NOX4: variants seen among roughly 807,000 people sequenced by gnomAD.
The protein encoded by NOX4 is kidney oxidase-1.
NOX4 carries 69 observed loss-of-function variants against 87.6 expected under a neutral mutation model. The ratio of observed to expected loss-of-function variants is 0.79; its 90% CI spans 0.65 to 0.96. NOX4 has a LOEUF of 0.96. NOX4 is among the 40% of genes least tolerant of loss of function. NOX4 has a pLI of 0.00. For synonymous variants in NOX4, 275 were observed against 238.2 expected (o/e 1.15, Z -1.42); for missense variants, 680 against 681.5 (o/e 1.00, Z 0.02).
At chr11:89,423,886 C>T (rs924193623) in intron 7 of NOX4, among the ~76,000 whole-genome samples, 1 of 151,604 alleles carries the variant, frequency 6.6e-6, no homozygotes, top group Non-Finnish European at 1.5e-5. Context: ...AAACCTTGAC[C>T]TTACGAAAAA....
At chr11:89,398,377 A>T (rs1941629415) in intron 11 of NOX4, among the ~76,000 whole-genome samples, 1 of 151,878 alleles carries the variant, frequency 6.6e-6, no homozygotes, top group Non-Finnish European at 1.5e-5. Context: ...ATGGGCAAAA[A>T]CTGGAAGCAT....
the NOX4 span, among the ~76,000 whole-genome samples, chr11:89,559,834 T>C: frequency 6.6e-6 from 1 of 152,202 alleles, no homozygotes; most frequent in South Asian, 2.1e-4. Context: ...AGAAAAGTAA[T>C]GCAGACAGAG....
chr11:89,427,852 T>G (rs1456517938), intron 7 of NOX4, among the ~76,000 whole-genome samples: 3 of 152,104 alleles, frequency 2.0e-5, no homozygotes, highest in East Asian at 3.9e-4. Flanking sequence ...ATATTCAAAT[T>G]CAGGAAATAC....
At chr11:89,517,396 T>G in the NOX4 span, among the ~76,000 whole-genome samples, 1 of 152,098 alleles carries the variant, frequency 6.6e-6, no homozygotes, top group South Asian at 2.1e-4. Context: ...CAAGCAATCC[T>G]TCCTTTACTT....
chr11:89,515,073 T>C, the NOX4 span, among the ~76,000 whole-genome samples: 1 of 152,052 alleles, frequency 6.6e-6, no homozygotes, highest in Non-Finnish European at 1.5e-5. Flanking sequence ...TTTATGAATA[T>C]GCATGTGCAA....
At chr11:89,581,821 T>A in the NOX4 span, among the ~76,000 whole-genome samples, 1 of 152,174 alleles carries the variant, frequency 6.6e-6, no homozygotes, top group Non-Finnish European at 1.5e-5. Context: ...CATAAACTTA[T>A]CTATCATCTC....
At chr11:89,535,343 C>A in the NOX4 span, among the ~76,000 whole-genome samples, 32 of 152,186 alleles carry the variant, frequency 2.1e-4, no homozygotes, top group African/African-American at 7.5e-4. Flanking sequence ...CTTTAACTGA[C>A]TTTCACTCTA....
In NOX4 at chr11:89,405,752, GA is replaced by G. The variant is rs1323315711; in HGVS notation, c.630-3211del. ...GAAAGGCCACCTACTGGTTAAAAAAGAAAAAAAAAAAAAAACTTGCATGGTA... is the reference window on the plus strand; with the variant it reads ...GAAAGGCCACCTACTGGTTAAAAAAGAAAAAAAAAAAAAACTTGCATGGTA... On this transcript the variant is annotated intron_variant, in intron 8 of 17. Transcript: ENST00000263317. 6.0e-3 allele frequency among the ~76,000 whole-genome samples: 412 copies of G among 68,322 alleles called. 3 individuals carry two copies. The highest frequency in any genetic ancestry group is 7.8e-3 in the Non-Finnish European group (224 of 28,704). 44.8% of individuals were successfully genotyped at this position (68,322 alleles called of 152,430 possible). A position where few individuals can be genotyped will look rare whatever the true frequency, so the allele number is the denominator to read the frequency against.
At chr11:89,427,887 C>A (rs142554504) in intron 7 of NOX4, among the ~76,000 whole-genome samples, 6 of 151,992 alleles carry the variant, frequency 3.9e-5, no homozygotes, top group African/African-American at 1.5e-4. Flanking sequence ...AGATACTCCT[C>A]GAGAAGACCA....
intron 12 of NOX4, among the ~76,000 whole-genome samples, chr11:89,359,219 A>G (rs1284285928): frequency 6.6e-6 from 1 of 152,108 alleles, no homozygotes; most frequent in African/African-American, 2.4e-5. Context: ...AGAAAATTAA[A>G]ATCCTCTTTC....
At chr11:89,519,087 A>G in the NOX4 span, among the ~76,000 whole-genome samples, 1 of 152,054 alleles carries the variant, frequency 6.6e-6, no homozygotes, top group African/African-American at 2.4e-5. Flanking sequence ...AATAAACACC[A>G]CCTGTAAAGT....
rs780667723 is a variant in NOX4 at position 89,440,676 on chromosome 11, A to G, written c.475+12T>C. ...CCTAAACCTAAAGAAAAGGCTAAGA[A>G]TAACAACTTACCAGTTGTGAAGAGA... On this transcript the variant is annotated intron_variant, in intron 6 of 17. Transcript: ENST00000263317. 1.3e-6 allele frequency: 2 copies of G among 1,544,104 alleles called. No individual in the cohort carries two copies. The highest frequency in any genetic ancestry group is 1.8e-6 in the Non-Finnish European group (2 of 1,132,514).
intron 8 of NOX4, among the ~76,000 whole-genome samples, chr11:89,405,624 CAA>C (rs201859016): frequency 7.4e-6 from 1 of 135,828 alleles, no homozygotes; most frequent in Non-Finnish European, 1.6e-5. Flanking sequence ...AATCATTCAT[CAA>C]AAAAAAAAAA....
At chr11:89,560,065 T>G in the NOX4 span, among the ~76,000 whole-genome samples, 3 of 152,150 alleles carry the variant, frequency 2.0e-5, no homozygotes, top group East Asian at 5.8e-4. Flanking sequence ...CAGTTAGGGA[T>G]TGCTCAAATC....
chr11:89,360,062 AC>A (rs1457951412), intron 12 of NOX4, among the ~76,000 whole-genome samples: 1 of 152,054 alleles, frequency 6.6e-6, no homozygotes, highest in Non-Finnish European at 1.5e-5. Context: ...GTATATTGTA[AC>A]CTATTAATAG....
intron 11 of NOX4, among the ~76,000 whole-genome samples, chr11:89,391,564 T>C (rs950882112): frequency 9.2e-5 from 14 of 151,854 alleles, no homozygotes; most frequent in Non-Finnish European, 1.8e-4. Context: ...GAGATTAGCC[T>C]GGGCAACATA....
At chr11:89,423,753 A>AAAAT (rs1555023824) in intron 7 of NOX4, among the ~76,000 whole-genome samples, 1 of 151,134 alleles carries the variant, frequency 6.6e-6, no homozygotes. Flanking sequence ...ACTCCTTAAA[A>AAAAT]ATATATATAT....
chr11:89,440,879 A>G (rs1944426307), intron 5 of NOX4, among the ~76,000 whole-genome samples, 164 bp from the exon 6 acceptor site: 2 of 152,152 alleles, frequency 1.3e-5, no homozygotes, highest in Admixed American at 6.6e-5. Flanking sequence ...CATTTTCACA[A>G]TGCTAGAGGA....
chr11:89,427,114 T>C (rs779936693), intron 7 of NOX4, among the ~76,000 whole-genome samples: 3 of 152,174 alleles, frequency 2.0e-5, no homozygotes, highest in Non-Finnish European at 2.9e-5. Flanking sequence ...GCAAACAGCA[T>C]CTGGAGTGGA....
Sources: gnomAD v4.1 joint callset for allele counts (sites outside exome capture counted in the v4.1 genomes callset) on GRCh38, gnomAD v4.1.1 for gene constraint, MANE v1.5 for transcripts, NCBI Gene and HGNC (gene_info 2026-07-23, HGNC 2026-07-21) for gene names.